The following IRAG2 variants were observed in gnomAD, a reference collection of about 807,000 sequenced individuals.
The protein encoded by IRAG2 is inositol 1,4,5-triphosphate receptor associated 2.
In IRAG2, 45 loss-of-function variants were observed where a neutral mutation model predicts 69.9. The observed-to-expected ratio is 0.64, with a 90% CI of 0.51 to 0.83. IRAG2 has a LOEUF of 0.83. Among genes scored for constraint, IRAG2 ranks in the 40% least tolerant of loss-of-function variants. The pLI is 0.00. For missense variants in IRAG2, 520 were observed against 587.0 expected, an observed-to-expected ratio of 0.89 and a Z score of 1.18; for synonymous variants, 193 against 202.4, an observed-to-expected ratio of 0.95 and a Z score of 0.40.
intron 20 of IRAG2, among the ~76,000 whole-genome samples, chr12:25,106,366 A>AAT (rs1019163324): frequency 1.4e-5 from 2 of 146,838 alleles, no homozygotes; most frequent in African/African-American, 4.9e-5. Context: ...TATATATATA[A>AAT]ATATATATAT....
intron 9 of IRAG2, among the ~76,000 whole-genome samples, chr12:25,029,982 G>A (rs545709355): frequency 1.3e-5 from 2 of 152,318 alleles, no homozygotes; most frequent in East Asian, 3.9e-4. Flanking sequence ...AGTGTGGAAT[G>A]GTGGGAAGGG....
At chr12:25,096,149 A>C (rs1948405025) in intron 14 of IRAG2, among the ~76,000 whole-genome samples, 1 of 151,912 alleles carries the variant, frequency 6.6e-6, no homozygotes, top group Non-Finnish European at 1.5e-5. Flanking sequence ...CAAATCAGAA[A>C]GGTTGATTTT....
intron 14 of IRAG2, among the ~76,000 whole-genome samples, chr12:25,094,924 C>T (rs1357619307): frequency 2.0e-5 from 3 of 151,830 alleles, no homozygotes; most frequent in South Asian, 2.1e-4. Context: ...AATTTTGTAC[C>T]CTACAATTTT....
intron 1 of IRAG2, among the ~76,000 whole-genome samples, chr12:25,053,608 G>A (rs1475405006): frequency 6.6e-6 from 1 of 151,966 alleles, no homozygotes; most frequent in East Asian, 1.9e-4. Context: ...TGTCAGATTA[G>A]CTATAAAATT....
At chr12:25,005,532 T>C (rs1333011612) in intron 2 of IRAG2, among the ~76,000 whole-genome samples, 7 of 152,338 alleles carry the variant, frequency 4.6e-5, no homozygotes, top group African/African-American at 1.4e-4. Flanking sequence ...GTTATTTCGT[T>C]ATAATTTCCC....
intron 12 of IRAG2, among the ~76,000 whole-genome samples, chr12:25,033,263 T>A (rs1944682176): frequency 6.6e-6 from 1 of 152,136 alleles, no homozygotes; most frequent in African/African-American, 2.4e-5. Context: ...CCTAAGTAAT[T>A]GTTTTGAATG....
intron 1 of IRAG2, among the ~76,000 whole-genome samples, chr12:25,058,657 A>C (rs1945420619): frequency 6.6e-6 from 1 of 152,206 alleles, no homozygotes; most frequent in African/African-American, 2.4e-5. Flanking sequence ...TTTCATTTTC[A>C]ACAGGCAATT....
intron 1 of IRAG2, among the ~76,000 whole-genome samples, chr12:25,057,705 T>C (rs1355759679): frequency 2.6e-5 from 4 of 152,186 alleles, no homozygotes; most frequent in African/African-American, 9.7e-5. Flanking sequence ...TTCAACCAGG[T>C]AGATAAATAC....
At chr12:25,027,388 C>CTTTT (rs150854134) in intron 9 of IRAG2, among the ~76,000 whole-genome samples, 4 of 111,342 alleles carry the variant, frequency 3.6e-5, no homozygotes, top group Non-Finnish European at 5.8e-5. Context: ...ATTACTACCT[C>CTTTT]TTTTTTTTTC....
intron 2 of IRAG2, among the ~76,000 whole-genome samples, chr12:25,008,557 G>C (rs1427352580): frequency 6.6e-6 from 1 of 152,046 alleles, no homozygotes; most frequent in Non-Finnish European, 1.5e-5. Flanking sequence ...TAGCCAACAT[G>C]GTGAAACCCC....
At position 25,015,088 on chromosome 12, in the gene IRAG2, G is replaced by GAAAAAAAAAAAAAAAAA; in HGVS notation, c.897-86_897-70dup. Reference sequence around the variant, plus strand: ...AAAGGAAAGTACAGAGCATAAATCTGAAAAAAAAAAAAAAAAAAAAAAAAG... The same window carrying GAAAAAAAAAAAAAAAAA: ...AAAGGAAAGTACAGAGCATAAATCTGAAAAAAAAAAAAAAAAAAAAAAAAAAAAAAAAAAAAAAAAAG... On this transcript the variant is annotated intron_variant, in intron 3 of 38. Transcript: ENST00000636465. 50 of 50,892 alleles carry GAAAAAAAAAAAAAAAAA rather than the reference G, an allele frequency of 9.8e-4. 1 individual carries two copies. Among genetic ancestry groups the GAAAAAAAAAAAAAAAAA allele is most frequent in the South Asian group, 1.6e-3 (1 of 622 alleles). The allele number at this position is 50,892 out of a possible 1,614,324, so 3.2% of individuals were successfully genotyped here.
upstream of IRAG2, among the ~76,000 whole-genome samples, chr12:25,050,100 C>T (rs1944830543): frequency 6.6e-6 from 1 of 151,214 alleles, no homozygotes; most frequent in Non-Finnish European, 1.5e-5. Context: ...TCCATCCAGC[C>T]TGGGTGACAG....
intron 11 of IRAG2, 136 bp from the exon 12 acceptor site, chr12:25,089,478 T>C: frequency 6.9e-6 from 4 of 581,588 alleles, no homozygotes; most frequent in Non-Finnish European, 1.2e-5. Context: ...TTTAAGTGCA[T>C]ACATTATTAG....
intron 7 of IRAG2, among the ~76,000 whole-genome samples, chr12:25,023,189 G>C (rs1239853282): frequency 6.6e-6 from 1 of 150,934 alleles, no homozygotes; most frequent in Non-Finnish European, 1.5e-5. Context: ...CAGATTTTAA[G>C]TACATGGATG....
intron 6 of IRAG2, among the ~76,000 whole-genome samples, chr12:25,077,226 T>C (rs1946770926): frequency 9.1e-6 from 1 of 109,498 alleles, no homozygotes; most frequent in Non-Finnish European, 2.0e-5. Flanking sequence ...ATGAAATATA[T>C]ATGATATATA....
At chr12:25,011,253 T>C in intron 2 of IRAG2, 2 of 903,678 alleles carry the variant, frequency 2.2e-6, no homozygotes, top group Non-Finnish European at 2.9e-6. Context: ...TCCGCAGGAC[T>C]GCCAGGGTTA....
intron 7 of IRAG2, among the ~76,000 whole-genome samples, chr12:25,023,164 T>C (rs913700694): frequency 2.0e-5 from 3 of 151,318 alleles, no homozygotes; most frequent in African/African-American, 7.3e-5. Flanking sequence ...AGGGCCAGAA[T>C]TGAACTCAGG....
At chr12:25,072,868 GT>G (rs1946424063) in intron 6 of IRAG2, among the ~76,000 whole-genome samples, 1 of 152,248 alleles carries the variant, frequency 6.6e-6, no homozygotes, top group African/African-American at 2.4e-5. Context: ...ACGCAAACGT[GT>G]TTGTGCTGTT....
chr12:25,089,956 G>C, intron 13 of IRAG2, 101 bp from the exon 14 acceptor site: 1 of 1,356,986 alleles, frequency 7.4e-7, no homozygotes. Context: ...GTTGCTGGGG[G>C]GAGAAAGAAA....
Sources: allele counts gnomAD v4.1 joint callset (sites outside exome capture counted in the v4.1 genomes callset), GRCh38; gene constraint gnomAD v4.1.1; transcripts MANE v1.5; gene names NCBI Gene and HGNC (gene_info 2026-07-23, HGNC 2026-07-21).